The following MTCL1 variants were observed in gnomAD, a reference collection of about 807,000 sequenced individuals.
The protein encoded by MTCL1 is microtubule crosslinking factor 1.
In MTCL1, 79 loss-of-function variants were observed where a neutral mutation model predicts 141.4. The observed-to-expected ratio is 0.56, with a 90% confidence interval of 0.47 to 0.67. The LOEUF is 0.67. Ranked by LOEUF, MTCL1 falls within the 30% of genes least tolerant of loss-of-function variation. The pLI is 0.00. For synonymous variants in MTCL1, 914 were observed against 875.8 expected (o/e 1.04, Z -0.77); for missense variants, 2,177 against 2,113.9 (o/e 1.03, Z -0.59).
rs576653427 is a variant in MTCL1 at position 8,741,878 on chromosome 18, G to A, written c.357+21382G>A. On this transcript the variant is annotated intron_variant, in intron 4 of 16. Transcript: ENST00000359865. The stretch of plus-strand genomic sequence containing the variant: ...TCGCTTGACTTAGTGTGGCTCCGCC[G>A]CAGGGTGGGCATCCTCTGGCAGAAG... 1.6e-3 allele frequency among the ~76,000 whole-genome samples: 238 copies of A among 152,278 alleles called. 1 individual carries two copies. The highest frequency in any genetic ancestry group is 5.2e-3 in the African/African-American group (214 of 41,546).
intron 12 of MTCL1, among the ~76,000 whole-genome samples, chr18:8,814,408 C>G (rs914627931): frequency 7.2e-5 from 11 of 152,188 alleles, no homozygotes; most frequent in African/African-American, 2.7e-4. Flanking sequence ...GGTTTGACCA[C>G]TTACACAAAT....
In MTCL1 at chr18:8,803,733, T is replaced by A. The variant is rs11875483; in HGVS notation, c.2437-3160T>A. Among the ~76,000 whole-genome samples the A allele has an allele frequency of 4.4e-3, 665 of 152,334 alleles. 5 individuals carry two copies. Among genetic ancestry groups the A allele is most frequent in the African/African-American group, 0.016 (648 of 41,578 alleles). On this transcript the variant is annotated intron_variant, in intron 10 of 16. Transcript: ENST00000359865. ...GCTCATTCCGCAATGATTAATATTA[T>A]CCTGGTTGAATAGAGCACTGTTTTG...
rs770091564 is a variant in MTCL1, at chr18:8,825,455, G to C, written c.3945G>C (p.Arg1315=). The C allele has an allele frequency of 1.9e-6, 3 of 1,594,796 alleles. No homozygotes were observed. In the South Asian group the frequency reaches 3.4e-5, roughly 18 times the overall value. Residue 1315 remains arginine (R), a synonymous_variant, in exon 15 of 17, where the codon CGG becomes CGC. Coordinates refer to ENST00000359865, the Ensembl canonical transcript of MTCL1. Reference sequence around the variant, plus strand: ...TGGCCTGCCAGACCAATGGGTCCCGGACGATGGGGACCCAGACTGTTCAGA... The same window carrying C: ...TGGCCTGCCAGACCAATGGGTCCCGCACGATGGGGACCCAGACTGTTCAGA...
At chr18:8,793,259 C>A in intron 8 of MTCL1, 139 bp downstream of exon 7, 2 of 1,175,806 alleles carry the variant, frequency 1.7e-6, no homozygotes, top group Non-Finnish European at 2.4e-6. Context: ...GGAAAGGTCA[C>A]CCAGTCAAGC....
In MTCL1 at chr18:8,812,959, A is replaced by C; in HGVS notation, c.2605-20A>C. ...AAGACTTGTCAGAGAGGGAATTCCTAAGTCTCTTCTCCTTGACAGCTGGAA... is the reference window on the plus strand; with the variant it reads ...AAGACTTGTCAGAGAGGGAATTCCTCAGTCTCTTCTCCTTGACAGCTGGAA... On this transcript the variant is annotated intron_variant, in intron 11 of 16. Coordinates refer to ENST00000359865, the Ensembl canonical transcript of MTCL1. The C allele has an allele frequency of 6.3e-7, 1 of 1,598,156 alleles. No homozygotes were observed. Among genetic ancestry groups the C allele is most frequent in the Admixed American group, 1.7e-5 (1 of 59,216 alleles).
At chr18:8,806,966 A>G (rs759288112) in exon 11 of MTCL1, 2 of 1,613,754 alleles carry the variant, frequency 1.2e-6, no homozygotes, top group African/African-American at 1.3e-5. Context: ...CTGCGGGAGG[A>G]TGAGCGTGCC....
At position 8,828,863 on chromosome 18, in the gene MTCL1, C is replaced by T; in HGVS notation, c.4723-45C>T. 6.2e-7 allele frequency: 1 copy of T among 1,613,634 alleles called. No homozygotes were observed. The highest frequency in any genetic ancestry group is 1.1e-5 in the South Asian group (1 of 91,060). On this transcript the variant is annotated intron_variant, in intron 15 of 16. Transcript: ENST00000359865. The surrounding 1 kb of genome is among the most constrained non-coding windows in gnomAD (Gnocchi z 5.2). ...TGTTCTCCTGTTTAAAAAACACTTT[C>T]CAACCTTCTTGCTTTTCTTTTCTTT...
At chr18:8,724,627 G>T (rs982445971) in intron 4 of MTCL1, among the ~76,000 whole-genome samples, 4 of 152,074 alleles carry the variant, frequency 2.6e-5, no homozygotes, top group Non-Finnish European at 5.9e-5. Flanking sequence ...GCCTTGGCTT[G>T]TCTTAACTCT....
intron 7 of MTCL1, chr18:8,787,061 T>A (rs1393636918): frequency 1.3e-5 from 2 of 152,864 alleles, no homozygotes; most frequent in Non-Finnish European, 2.9e-5. Flanking sequence ...TTAGAGCCTG[T>A]GTCAGAGAGC....
exon 17 of MTCL1, chr18:8,831,929 C>A (rs569363786): frequency 8.0e-6 from 9 of 1,119,144 alleles, no homozygotes; most frequent in Admixed American, 2.4e-5. Context: ...TTTTTAAAAA[C>A]ACAAAGCTGC....
chr18:8,769,527 A>G (rs533693831), intron 4 of MTCL1, among the ~76,000 whole-genome samples: 1 of 152,332 alleles, frequency 6.6e-6, no homozygotes, highest in African/African-American at 2.4e-5. Flanking sequence ...GGTACATATC[A>G]CAAAGGTTAA....
chr18:8,706,386 C>T, exon 1 of MTCL1: 3 of 1,229,572 alleles, frequency 2.4e-6, no homozygotes, highest in Non-Finnish European at 3.0e-6. Flanking sequence ...GCTCCAGCGA[C>T]CGTGAACCCC....
intron 4 of MTCL1, among the ~76,000 whole-genome samples, chr18:8,728,717 A>ATTTTTTT (rs1598410920): frequency 1.5e-5 from 1 of 68,054 alleles, no homozygotes; most frequent in African/African-American, 6.2e-5. Flanking sequence ...TATGTTGTCC[A>ATTTTTTT]TTCTTTTTTT....
intron 4 of MTCL1, 70 bp from the exon 4 acceptor site, chr18:8,777,763 A>G (rs2096517168): frequency 7.1e-7 from 1 of 1,409,466 alleles, no homozygotes. Flanking sequence ...ACCCATGGGG[A>G]CGATGTTTGC....
At chr18:8,710,969 A>G (rs1324571156) in intron 1 of MTCL1, among the ~76,000 whole-genome samples, 2 of 145,990 alleles carry the variant, frequency 1.4e-5, no homozygotes, top group African/African-American at 2.6e-5. Flanking sequence ...TACATGTGCC[A>G]TGCTGGTGTG....
intron 4 of MTCL1, among the ~76,000 whole-genome samples, chr18:8,728,163 CTTATT>C (rs1331351995): frequency 2.6e-5 from 4 of 152,068 alleles, no homozygotes; most frequent in African/African-American, 9.7e-5. Context: ...CTTTTAAAAA[CTTATT>C]TAATAGCTAA....
At chr18:8,745,876 AAAC>A (rs2096334209) in intron 4 of MTCL1, among the ~76,000 whole-genome samples, 1 of 152,156 alleles carries the variant, frequency 6.6e-6, no homozygotes, top group African/African-American at 2.4e-5. Context: ...TGTACCCATT[AAAC>A]AACAAGTCTC....
chr18:8,782,665 G>A (rs184410944), intron 5 of MTCL1: 1 of 152,246 alleles, frequency 6.6e-6, no homozygotes, highest in East Asian at 1.9e-4. Context: ...TCCTTGCCTT[G>A]GGTCTCTGGG....
At chr18:8,808,773 G>A (rs1208573351) in intron 11 of MTCL1, among the ~76,000 whole-genome samples, 1 of 152,214 alleles carries the variant, frequency 6.6e-6, no homozygotes, top group East Asian at 1.9e-4. Flanking sequence ...TCTAAATGTT[G>A]AACATCCAGC....
Sources: allele counts gnomAD v4.1 joint callset (sites outside exome capture counted in the v4.1 genomes callset), GRCh38; gene constraint gnomAD v4.1.1; non-coding constraint Gnocchi (gnomAD v3.1); transcripts MANE v1.5; gene names NCBI Gene and HGNC (gene_info 2026-07-23, HGNC 2026-07-21).